Variants in SHOC1 observed in about 807,000 individuals in gnomAD.
The protein encoded by SHOC1 is shortage in chiasmata 1, also known as protein shortage in chiasmata 1 ortholog.
SHOC1 carries 136 observed loss-of-function variants against 179.2 expected under a neutral mutation model. The observed-to-expected ratio is 0.76, with a 90% CI of 0.66 to 0.87. The LOEUF is 0.87. SHOC1 is among the 40% of genes least tolerant of loss of function. SHOC1 has a pLI of 0.00. For missense variants in SHOC1, 1,538 were observed against 1,700.8 expected, an observed-to-expected ratio of 0.90 and a Z score of 1.68; for synonymous variants, 489 against 586.6, an observed-to-expected ratio of 0.83 and a Z score of 2.41.
chr9:111,783,231 T>C (rs1564170013), intron 3 of SHOC1, among the ~76,000 whole-genome samples: 1 of 152,190 alleles, frequency 6.6e-6, no homozygotes, highest in Non-Finnish European at 1.5e-5. Context: ...CCCCAAAATA[T>C]TCAAATTCAC....
chr9:111,694,396 A>T (rs755284196), intron 24 of SHOC1, 34 bp from the exon 25 acceptor site: 5 of 1,488,548 alleles, frequency 3.4e-6, no homozygotes, highest in Non-Finnish European at 4.6e-6. Flanking sequence ...ATTATAGGAA[A>T]TACTAGGAAG....
At position 111,692,999 on chromosome 9, in the gene SHOC1, AAAT is replaced by A. The variant is rs1311905457; in HGVS notation, c.3466-491_3466-489del. 3.2e-4 allele frequency among the ~76,000 whole-genome samples: 48 copies of A among 152,324 alleles called. 1 individual carries two copies. Among genetic ancestry groups the A allele is most frequent in the African/African-American group, 1.2e-3 (48 of 41,574 alleles). On this transcript the variant is annotated intron_variant, in intron 26 of 27. Transcript: ENST00000682961. ...TGACTATATTGAATTTATCTGTATA[AAAT>A]AGCTTTAGAATGTATAATATAGGCT...
In SHOC1 at chr9:111,686,710, G is replaced by A. The variant is rs896477068; in HGVS notation, c.*60C>T. On this transcript the variant is annotated 3_prime_UTR_variant, in exon 28 of 28. Transcript: ENST00000682961. Reference sequence around the variant, plus strand: ...TGTATGAGCAAATCTAAATAATTGCGCTAGTGGATTAGCATCAAAAACAGT... The same window carrying A: ...TGTATGAGCAAATCTAAATAATTGCACTAGTGGATTAGCATCAAAAACAGT... 3 of 1,024,740 alleles carry A rather than the reference G, an allele frequency of 2.9e-6. No homozygotes were observed. Among genetic ancestry groups the A allele is most frequent in the African/African-American group, 1.6e-5 (1 of 62,756 alleles). The allele number at this position is 1,024,740 out of a possible 1,614,324, so 63.5% of individuals were successfully genotyped here. A position where few individuals can be genotyped will look rare whatever the true frequency, so the allele number is the denominator to read the frequency against.
intron 14 of SHOC1, 24 bp from the exon 15 acceptor site, chr9:111,722,609 G>A (rs747830723): frequency 6.3e-7 from 1 of 1,577,970 alleles, no homozygotes; most frequent in Non-Finnish European, 8.6e-7. Flanking sequence ...AGCATTAATG[G>A]CAGTGTTTTA....
chr9:111,781,904 T>C (rs1202145090), intron 3 of SHOC1, among the ~76,000 whole-genome samples: 1 of 152,130 alleles, frequency 6.6e-6, no homozygotes, highest in Non-Finnish European at 1.5e-5. Context: ...GAACAAATCA[T>C]TTAACATCTA....
intron 4 of SHOC1, among the ~76,000 whole-genome samples, chr9:111,778,575 C>T (rs1367741861): frequency 6.6e-6 from 1 of 152,014 alleles, no homozygotes; most frequent in Admixed American, 6.6e-5. Context: ...TTGAGACCAT[C>T]CTGACCAACA....
rs747557005 is a variant in SHOC1, at chr9:111,758,089, T to G, written c.703A>C (p.Asn235His). The change falls in exon 7 of 28, where the codon AAT becomes CAT. Residue 235 changes from asparagine to histidine, a missense_variant. By Grantham distance (68) the Asn-to-His change is moderately conservative. Transcript: ENST00000682961. ...QEKLEDTICL[N>H]EPSSFLIEYE... ...TTGAAAGCCAGTATTACAACCTCAT[T>G]TAAACATATTGTATCTTCTAGTTTC... 1.3e-6 allele frequency: 2 copies of G among 1,485,984 alleles called. No individual in the cohort carries two copies. The highest frequency in any genetic ancestry group is 4.0e-5 in the Admixed American group (2 of 50,114). 92.0% of individuals were successfully genotyped at this position (1,485,984 alleles called of 1,614,324 possible).
chr9:111,692,521 GAATT>G lies in SHOC1; in HGVS notation c.3466-14_3466-11del. On this transcript the variant is annotated splice_polypyrimidine_tract_variant and intron_variant, in intron 26 of 27. Transcript: ENST00000682961. ...TGATGCTACAAAAATGCTAAAAAAT[GAATT>G]AATATAATGCAAATGTCAGTTTAGT... 1 of 1,527,040 alleles carries G rather than the reference GAATT, an allele frequency of 6.5e-7. No individual in the cohort carries two copies. The highest frequency in any genetic ancestry group is 8.8e-7 in the Non-Finnish European group (1 of 1,130,832). The allele number at this position is 1,527,040 out of a possible 1,614,324, so 94.6% of individuals were successfully genotyped here.
intron 10 of SHOC1, among the ~76,000 whole-genome samples, chr9:111,745,871 G>C (rs903521518): frequency 6.6e-6 from 1 of 152,090 alleles, no homozygotes; most frequent in Non-Finnish European, 1.5e-5. Context: ...CCAATGCCAG[G>C]ATCTTCAAAA....
intron 8 of SHOC1, among the ~76,000 whole-genome samples, chr9:111,751,464 C>T (rs759846955): frequency 1.8e-4 from 27 of 152,084 alleles, no homozygotes; most frequent in Non-Finnish European, 3.2e-4. Context: ...CTGAGAACAT[C>T]TTATTGTAAA....
At chr9:111,750,189 C>T (rs993993747) in intron 8 of SHOC1, among the ~76,000 whole-genome samples, 1 of 152,154 alleles carries the variant, frequency 6.6e-6, no homozygotes, top group African/African-American at 2.4e-5. Context: ...ACCTTACCAA[C>T]ATCTATTGTT....
At chr9:111,790,588 A>G (rs1444935496) in intron 2 of SHOC1, among the ~76,000 whole-genome samples, 1 of 152,176 alleles carries the variant, frequency 6.6e-6, no homozygotes, top group African/African-American at 2.4e-5. Flanking sequence ...TCTGTTGCCC[A>G]GACTGGAGGG....
chr9:111,770,351 T>G (rs1835552646), intron 5 of SHOC1, among the ~76,000 whole-genome samples: 1 of 152,220 alleles, frequency 6.6e-6, no homozygotes, highest in African/African-American at 2.4e-5. Context: ...TGTTACTGAT[T>G]TCTAGTTTTA....
intron 23 of SHOC1, among the ~76,000 whole-genome samples, chr9:111,701,777 A>C (rs1459352576): frequency 6.6e-6 from 1 of 152,188 alleles, no homozygotes; most frequent in African/African-American, 2.4e-5. Context: ...AACTTATACC[A>C]ACCTGATAAC....
chr9:111,715,033 TTAGCC>T (rs1449761057), intron 16 of SHOC1, among the ~76,000 whole-genome samples: 1 of 152,222 alleles, frequency 6.6e-6, no homozygotes, highest in African/African-American at 2.4e-5. Flanking sequence ...TGTATATCAC[TTAGCC>T]TATAAGCTCT....
chr9:111,777,830 C>A (rs936521136), intron 4 of SHOC1, among the ~76,000 whole-genome samples: 2 of 152,000 alleles, frequency 1.3e-5, no homozygotes, highest in Non-Finnish European at 2.9e-5. Flanking sequence ...GAGAAAAGAC[C>A]AATTGTGTCA....
chr9:111,775,039 A>T (rs1835776958), intron 5 of SHOC1, among the ~76,000 whole-genome samples: 1 of 151,998 alleles, frequency 6.6e-6, no homozygotes, highest in African/African-American at 2.4e-5. Context: ...TCTTTTGCCC[A>T]GGCCAGAGTG....
chr9:111,746,468 AG>A, intron 9 of SHOC1, 126 bp from the exon 10 acceptor site: 1 of 546,352 alleles, frequency 1.8e-6, no homozygotes, highest in East Asian at 3.1e-5. Context: ...TGAGTCCAGG[AG>A]TTTAAGACCT....
intron 2 of SHOC1, among the ~76,000 whole-genome samples, chr9:111,788,325 T>C (rs768648429): frequency 6.6e-6 from 1 of 152,108 alleles, no homozygotes; most frequent in Non-Finnish European, 1.5e-5. Context: ...TTTTGTACTT[T>C]TGGTAGAGAC....
Sources: gnomAD v4.1 joint callset for allele counts (sites outside exome capture counted in the v4.1 genomes callset) on GRCh38, gnomAD v4.1.1 for gene constraint, MANE v1.5 for transcripts, NCBI Gene and HGNC (gene_info 2026-07-23, HGNC 2026-07-21) for gene names.